Variants in KIAA1328 observed in about 807,000 individuals in gnomAD.
The protein encoded by KIAA1328 is protein hinderin.
Under a neutral mutation model 68.1 loss-of-function variants are expected in KIAA1328, and 52 were observed. The observed-to-expected ratio is 0.76, with a 90% CI of 0.61 to 0.96. The LOEUF (loss-of-function observed/expected upper bound fraction) is 0.96. Ranked by LOEUF, KIAA1328 falls within the 40% of genes least tolerant of loss-of-function variation. The probability of loss-of-function intolerance (pLI) is 0.00; values close to 1 mark genes in which losing one functional copy is unlikely to be tolerated. For missense variants in KIAA1328, 641 were observed against 677.6 expected (o/e 0.95, Z 0.60); for synonymous variants, 232 against 239.4 (o/e 0.97, Z 0.28).
chr18:36,975,882 A>T (rs2052452686), intron 6 of KIAA1328, among the ~76,000 whole-genome samples: 1 of 152,090 alleles, frequency 6.6e-6, no homozygotes, highest in Non-Finnish European at 1.5e-5. Flanking sequence ...GTTCCTTTAA[A>T]TTTTTTAATT....
At chr18:37,106,473 C>T (rs2057779221) in intron 7 of KIAA1328, among the ~76,000 whole-genome samples, 1 of 150,344 alleles carries the variant, frequency 6.7e-6, no homozygotes. Flanking sequence ...GGCTGGAGTG[C>T]AGTGGCGAGA....
rs535634473 is a variant in KIAA1328 at position 37,180,626 on chromosome 18, G to GT, written c.1523+7546dup. On this transcript the variant is annotated intron_variant, in intron 9 of 9. Transcript: ENST00000280020. ...TGCATTTGTGTCCAGAATCCTAACAGTAACAAAACCGTTTTTTTTTTAATG... is the reference window on the plus strand; with the variant it reads ...TGCATTTGTGTCCAGAATCCTAACAGTTAACAAAACCGTTTTTTTTTTAATG... Among the ~76,000 whole-genome samples, 153 of 84,412 alleles carry GT rather than the reference G, an allele frequency of 1.8e-3. 2 individuals are homozygous for GT. Among genetic ancestry groups the GT allele is most frequent in the African/African-American group, 6.9e-3 (151 of 21,822 alleles). The allele number at this position is 84,412 out of a possible 152,430, so 55.4% of individuals were successfully genotyped here. A position where few individuals can be genotyped will look rare whatever the true frequency, so the allele number is the denominator to read the frequency against.
At chr18:36,944,802 A>G (rs1205598384) in intron 5 of KIAA1328, among the ~76,000 whole-genome samples, 1 of 152,182 alleles carries the variant, frequency 6.6e-6, no homozygotes, top group Non-Finnish European at 1.5e-5. Flanking sequence ...TAAAACCCCA[A>G]ATCAGGTTGT....
intron 7 of KIAA1328, among the ~76,000 whole-genome samples, chr18:37,129,304 G>GA (rs34477206): frequency 2.3e-4 from 34 of 149,982 alleles, no homozygotes; most frequent in Admixed American, 4.7e-4. Context: ...ATTTCCAGTG[G>GA]AAAAAAAAAC....
chr18:37,162,100 G>T (rs541325115), intron 8 of KIAA1328, among the ~76,000 whole-genome samples: 1 of 152,256 alleles, frequency 6.6e-6, no homozygotes, highest in South Asian at 2.1e-4. Flanking sequence ...TTTCTGTTGT[G>T]CACAATGAAT....
intron 6 of KIAA1328, among the ~76,000 whole-genome samples, chr18:36,962,675 C>T (rs1267056784): frequency 2.0e-5 from 3 of 152,176 alleles, no homozygotes; most frequent in Non-Finnish European, 2.9e-5. Flanking sequence ...TCACTCAAAA[C>T]GGCACAACTA....
At chr18:37,053,041 C>T (rs959920428) in intron 6 of KIAA1328, among the ~76,000 whole-genome samples, 2 of 152,066 alleles carry the variant, frequency 1.3e-5, no homozygotes, top group Non-Finnish European at 2.9e-5. Flanking sequence ...CCAAAGCAGT[C>T]CTAAGCAAAA....
intron 6 of KIAA1328, among the ~76,000 whole-genome samples, chr18:36,981,306 GACAGAATAAACCGTAACTAAACTGTC>G (rs144106616): frequency 0.14 from 20,657 of 152,002 alleles, 1,749 homozygotes; most frequent in Admixed American, 0.18. Flanking sequence ...ACTAAACTGT[GACAGAATAAACCGTAACTAAACTGTC>G]ACAGAATAAA....
chr18:37,150,717 A>C (rs1677061449), intron 7 of KIAA1328, among the ~76,000 whole-genome samples: 1 of 152,168 alleles, frequency 6.6e-6, no homozygotes, highest in South Asian at 2.1e-4. Flanking sequence ...TAACATAATA[A>C]AAAATATTTT....
chr18:36,976,480 C>G (rs1352723432), intron 6 of KIAA1328, among the ~76,000 whole-genome samples: 4 of 151,932 alleles, frequency 2.6e-5, no homozygotes, highest in African/African-American at 7.3e-5. Flanking sequence ...CAGGTTACAA[C>G]AGTAGCCACC....
chr18:36,962,052 G>A (rs1344158951), intron 6 of KIAA1328, among the ~76,000 whole-genome samples: 1 of 152,224 alleles, frequency 6.6e-6, no homozygotes, highest in East Asian at 1.9e-4. Context: ...CTATCAATGT[G>A]CTGTATTCAG....
At chr18:37,113,792 C>T (rs2058017152) in intron 7 of KIAA1328, among the ~76,000 whole-genome samples, 1 of 151,736 alleles carries the variant, frequency 6.6e-6, no homozygotes, top group African/African-American at 2.4e-5. Flanking sequence ...CACATAGGCT[C>T]AAAATAAAGG....
intron 6 of KIAA1328, among the ~76,000 whole-genome samples, chr18:37,021,899 A>G (rs1360250938): frequency 6.6e-6 from 1 of 151,908 alleles, no homozygotes; most frequent in Non-Finnish European, 1.5e-5. Flanking sequence ...AATTAGCTGG[A>G]CATGGTGGCG....
intron 7 of KIAA1328, among the ~76,000 whole-genome samples, chr18:37,107,290 TC>T (rs1402196842): frequency 6.6e-6 from 1 of 152,140 alleles, no homozygotes; most frequent in African/African-American, 2.4e-5. Flanking sequence ...CTTATCAGAA[TC>T]CCTTTCTGTA....
intron 5 of KIAA1328, among the ~76,000 whole-genome samples, chr18:36,951,518 A>C (rs1598801687): frequency 6.6e-6 from 1 of 152,064 alleles, no homozygotes; most frequent in East Asian, 1.9e-4. Context: ...AATTTTACCC[A>C]CTCTCATGTC....
intron 6 of KIAA1328, among the ~76,000 whole-genome samples, chr18:36,969,731 C>T (rs558400727): frequency 6.6e-6 from 1 of 152,290 alleles, no homozygotes; most frequent in South Asian, 2.1e-4. Context: ...AGCATTCCTA[C>T]TGAAACGATT....
At chr18:37,099,875 T>G (rs1489750476) in intron 7 of KIAA1328, among the ~76,000 whole-genome samples, 2 of 152,208 alleles carry the variant, frequency 1.3e-5, no homozygotes, top group Admixed American at 1.3e-4. Context: ...AAAGTCTGTT[T>G]TATCAGAGAC....
chr18:37,187,558 G>T (rs1280606049), intron 9 of KIAA1328, among the ~76,000 whole-genome samples: 1 of 152,048 alleles, frequency 6.6e-6, no homozygotes, highest in Admixed American at 6.6e-5. Context: ...TCTACATTTT[G>T]ACAGTTGAAA....
chr18:37,225,608 C>T (rs1438186946), downstream of KIAA1328, among the ~76,000 whole-genome samples: 2 of 152,202 alleles, frequency 1.3e-5, no homozygotes, highest in Non-Finnish European at 2.9e-5. Context: ...TCTCTCTGCA[C>T]CTGTAAGTCC....
Sources: gnomAD v4.1 joint callset for allele counts (sites outside exome capture counted in the v4.1 genomes callset) on GRCh38, gnomAD v4.1.1 for gene constraint, MANE v1.5 for transcripts, NCBI Gene and HGNC (gene_info 2026-07-23, HGNC 2026-07-21) for gene names.